Variants in DLG2 observed in about 807,000 individuals in gnomAD.
The protein encoded by DLG2 is discs large MAGUK scaffold protein 2, also known as disks large homolog 2.
DLG2 carries 45 observed loss-of-function variants against 132.5 expected under a neutral mutation model. That is an observed-to-expected ratio of 0.34 (90% CI 0.27 to 0.44). The LOEUF is 0.44. Ranked by LOEUF, DLG2 falls within the 20% of genes least tolerant of loss-of-function variation. DLG2 has a pLI of 1.00. For missense variants in DLG2, 1,045 were observed against 1,196.9 expected (o/e 0.87, Z 1.87); for synonymous variants, 424 against 419.6 (o/e 1.01, Z -0.13).
At chr11:84,653,986 C>T (rs1460106725) in intron 6 of DLG2, among the ~76,000 whole-genome samples, 1 of 152,114 alleles carries the variant, frequency 6.6e-6, no homozygotes, top group African/African-American at 2.4e-5. Flanking sequence ...GGTTATAACT[C>T]AGCTTTTCTG....
At chr11:84,780,568 A>T (rs184526186) in intron 6 of DLG2, among the ~76,000 whole-genome samples, 1 of 152,192 alleles carries the variant, frequency 6.6e-6, no homozygotes, top group Admixed American at 6.5e-5. Flanking sequence ...ACATTTTTTC[A>T]TTCTCATCAG....
chr11:84,320,895 G>A (rs1246134346), intron 7 of DLG2, among the ~76,000 whole-genome samples: 1 of 152,124 alleles, frequency 6.6e-6, no homozygotes, highest in East Asian at 1.9e-4. Context: ...TTATAAAATT[G>A]TATTCAGGAA....
At chr11:85,270,924 T>C (rs2077489574) in intron 4 of DLG2, among the ~76,000 whole-genome samples, 1 of 152,110 alleles carries the variant, frequency 6.6e-6, no homozygotes, top group South Asian at 2.1e-4. Flanking sequence ...TTTGGAAAAT[T>C]TGCAGCCTGA....
At chr11:83,695,079 TCTTTC>T (rs1431126773) in intron 18 of DLG2, among the ~76,000 whole-genome samples, 1 of 152,258 alleles carries the variant, frequency 6.6e-6, no homozygotes, top group Non-Finnish European at 1.5e-5. Context: ...AAATACATTC[TCTTTC>T]CTTTAAGTCT....
At chr11:83,605,022 A>AGAGAGAGAGAGAGG (rs1555236910) in intron 19 of DLG2, among the ~76,000 whole-genome samples, 12 of 151,526 alleles carry the variant, frequency 7.9e-5, no homozygotes, top group African/African-American at 2.7e-4. Flanking sequence ...AGAGAGAGAG[A>AGAGAGAGAGAGAGG]GAGAGAGAGA....
intron 17 of DLG2, among the ~76,000 whole-genome samples, chr11:83,819,451 C>A (rs1185933949): frequency 1.0e-5 from 1 of 95,884 alleles, no homozygotes; most frequent in African/African-American, 4.1e-5. Flanking sequence ...GCCTGGGAGA[C>A]AGAGCAAGAC....
intron 3 of DLG2, among the ~76,000 whole-genome samples, chr11:85,564,745 T>C (rs2077436440): frequency 1.3e-5 from 2 of 151,992 alleles, no homozygotes; most frequent in Admixed American, 6.6e-5. Context: ...TTTTGGCATT[T>C]ATAGGAATTT....
chr11:84,917,404 T>A (rs2092535103), intron 6 of DLG2, among the ~76,000 whole-genome samples: 1 of 152,262 alleles, frequency 6.6e-6, no homozygotes, highest in Non-Finnish European at 1.5e-5. Flanking sequence ...GTAGTTTTCA[T>A]ATCTATATTA....
At position 83,831,857 on chromosome 11, in the gene DLG2, T is replaced by C. The variant is rs539107810; in HGVS notation, c.1722+1757A>G. On this transcript the variant is annotated intron_variant, in intron 17 of 27. Transcript: ENST00000376104. The stretch of plus-strand genomic sequence containing the variant: ...ATCATACTAAGGAGGAAGCTTGACA[T>C]AGTAGAAGGAGACAGCCAATAAATA... 3.3e-5 allele frequency among the ~76,000 whole-genome samples: 5 copies of C among 151,818 alleles called. No individual in the cohort carries two copies. The East Asian group carries it at 7.7e-4, about 24-fold the overall frequency.
chr11:84,921,824 C>A (rs1035165244), intron 6 of DLG2, among the ~76,000 whole-genome samples: 5 of 152,150 alleles, frequency 3.3e-5, no homozygotes, highest in Admixed American at 6.5e-5. Flanking sequence ...TTTGGGCACA[C>A]TTTTCATATT....
At chr11:83,753,863 T>TAA (rs1566832657) in intron 18 of DLG2, among the ~76,000 whole-genome samples, 2 of 12,158 alleles carry the variant, frequency 1.6e-4, no homozygotes, top group African/African-American at 1.4e-3. Flanking sequence ...CATATATATA[T>TAA]TTCATATATA....
At chr11:84,673,283 G>A (rs1019240951) in intron 6 of DLG2, among the ~76,000 whole-genome samples, 2 of 152,014 alleles carry the variant, frequency 1.3e-5, no homozygotes, top group African/African-American at 4.8e-5. Flanking sequence ...AATATTGCTA[G>A]GCTGCTATTA....
intron 9 of DLG2, among the ~76,000 whole-genome samples, chr11:84,126,279 T>C (rs867003511): frequency 6.6e-6 from 1 of 152,198 alleles, no homozygotes; most frequent in African/African-American, 2.4e-5. Context: ...AGCGAAGAAC[T>C]GAATAAACTT....
At chr11:84,583,930 C>T (rs978387219) in intron 6 of DLG2, among the ~76,000 whole-genome samples, 6 of 151,924 alleles carry the variant, frequency 3.9e-5, no homozygotes, top group African/African-American at 1.2e-4. Flanking sequence ...TGTGAATATT[C>T]CATAAATTAT....
At chr11:84,777,265 A>ATG (rs1321102566) in intron 6 of DLG2, among the ~76,000 whole-genome samples, 6 of 129,790 alleles carry the variant, frequency 4.6e-5, no homozygotes, top group African/African-American at 1.4e-4. Flanking sequence ...TTGTGTGTGT[A>ATG]TGTATATGTG....
chr11:83,913,109 A>C (rs1212467114), intron 15 of DLG2, among the ~76,000 whole-genome samples: 2 of 152,012 alleles, frequency 1.3e-5, no homozygotes, highest in Non-Finnish European at 2.9e-5. Context: ...CTTCTCTCTC[A>C]TTTTAATCAT....
intron 6 of DLG2, among the ~76,000 whole-genome samples, chr11:84,572,740 T>C (rs1244431012): frequency 2.0e-5 from 3 of 152,024 alleles, no homozygotes; most frequent in Admixed American, 6.6e-5. Flanking sequence ...AGGAATGAGG[T>C]AATATTATTC....
At chr11:84,967,014 C>G (rs2053441963) in intron 6 of DLG2, among the ~76,000 whole-genome samples, 1 of 152,068 alleles carries the variant, frequency 6.6e-6, no homozygotes, top group African/African-American at 2.4e-5. Flanking sequence ...ATGGCTGGAC[C>G]TACTGAGCCA....
At chr11:84,123,269 T>A (rs2094009626) in intron 9 of DLG2, among the ~76,000 whole-genome samples, 1 of 152,218 alleles carries the variant, frequency 6.6e-6, no homozygotes, top group South Asian at 2.1e-4. Context: ...TGTAATGCAC[T>A]TTGCAATAGG....
Sources: gnomAD v4.1 joint callset for allele counts (sites outside exome capture counted in the v4.1 genomes callset) on GRCh38, gnomAD v4.1.1 for gene constraint, MANE v1.5 for transcripts, NCBI Gene and HGNC (gene_info 2026-07-23, HGNC 2026-07-21) for gene names.